The following PIK3C2G variants were observed in gnomAD, a reference collection of about 807,000 sequenced individuals.
The protein encoded by PIK3C2G is phosphatidylinositol-4-phosphate 3-kinase catalytic subunit type 2 gamma.
Under a neutral mutation model 181.1 loss-of-function variants are expected in PIK3C2G, and 168 were observed. The ratio of observed to expected loss-of-function variants is 0.93; its 90% CI spans 0.82 to 1.05. The LOEUF is 1.05. Among genes scored for constraint, PIK3C2G ranks in the 50% least tolerant of loss-of-function variants. The pLI is 0.00. For synonymous variants in PIK3C2G, 573 were observed against 592.2 expected, an observed-to-expected ratio of 0.97 and a Z score of 0.47; for missense variants, 1,869 against 1,732.8, an observed-to-expected ratio of 1.08 and a Z score of -1.40.
At chr12:18,274,245 C>T (rs1948877250) in intron 1 of PIK3C2G, among the ~76,000 whole-genome samples, 1 of 152,270 alleles carries the variant, frequency 6.6e-6, no homozygotes, top group Non-Finnish European at 1.5e-5. Flanking sequence ...GTCAGTGTGG[C>T]AATTCCTCAG....
chr12:18,254,703 C>T (rs975600038), intron 1 of PIK3C2G, among the ~76,000 whole-genome samples: 14 of 151,454 alleles, frequency 9.2e-5, no homozygotes, highest in African/African-American at 3.4e-4. Flanking sequence ...ATTAGCTGGG[C>T]ATGGTGGCAT....
At position 18,581,659 on chromosome 12, in the gene PIK3C2G, A is replaced by T. The variant is rs1239804352; in HGVS notation, c.4012-12835A>T. ...AGGAGTTTGAATCTAAACCCACTAC[A>T]TTTGAGTTGCCTATAAGGCTTCCAG... On this transcript the variant is annotated intron_variant, in intron 29 of 32. Coordinates refer to ENST00000538779, the MANE Select transcript of PIK3C2G (RefSeq NM_001288772.2). Among the ~76,000 whole-genome samples the T allele has an allele frequency of 3.9e-5, 6 of 152,320 alleles. No individual in the cohort carries two copies. The East Asian group carries it at 1.2e-3, about 29-fold the overall frequency.
At chr12:18,333,396 T>A (rs1938180295) in intron 8 of PIK3C2G, among the ~76,000 whole-genome samples, 1 of 152,148 alleles carries the variant, frequency 6.6e-6, no homozygotes, top group African/African-American at 2.4e-5. Context: ...CATCAACCCG[T>A]CATCTACATT....
intron 30 of PIK3C2G, among the ~76,000 whole-genome samples, chr12:18,603,845 C>CACT (rs1465293779): frequency 6.6e-6 from 1 of 152,132 alleles, no homozygotes; most frequent in African/African-American, 2.4e-5. Context: ...ATTACCAAAT[C>CACT]ACTACCACAA....
intron 11 of PIK3C2G, among the ~76,000 whole-genome samples, chr12:18,347,414 A>G (rs1009267380): frequency 6.6e-6 from 1 of 152,218 alleles, no homozygotes; most frequent in Admixed American, 6.5e-5. Context: ...ACAGTAATAT[A>G]GAGATAATTA....
intron 1 of PIK3C2G, among the ~76,000 whole-genome samples, chr12:18,255,159 T>C (rs555941201): frequency 6.6e-6 from 1 of 151,414 alleles, no homozygotes; most frequent in South Asian, 2.1e-4. Flanking sequence ...GAGATTGCGG[T>C]GAGCTGAGAT....
At chr12:18,255,425 C>T (rs1053910004) in intron 1 of PIK3C2G, among the ~76,000 whole-genome samples, 34 of 151,962 alleles carry the variant, frequency 2.2e-4, no homozygotes, top group African/African-American at 7.7e-4. Context: ...AAAATGCAGC[C>T]GTGTAAACAA....
In PIK3C2G at chr12:18,497,728, T is replaced by G; in HGVS notation, c.2996T>G (p.Leu999Arg). The change falls in exon 22 of 33, where the codon CTA (leucine) becomes CGA (arginine). Residue 999 changes from leucine (L) to arginine (R), a missense_variant. Physicochemically the swap from Leu to Arg is moderately radical, Grantham distance 102 (BLOSUM62 -2). Coordinates refer to ENST00000538779, the MANE Select transcript of PIK3C2G (RefSeq NM_001288772.2). ...LDMQMIIYRC[L>R]STGKDQGLVQ... ...ATGCAAATGATCATTTATAGATGTC[T>G]ATCCACAGGAAAAGACCAAGGTCAG... 1 of 1,612,308 alleles carries G rather than the reference T, an allele frequency of 6.2e-7. No individual in the cohort carries two copies. The highest frequency in any genetic ancestry group is 1.1e-5 in the South Asian group (1 of 90,930).
chr12:18,716,083 A>G, the PIK3C2G span, among the ~76,000 whole-genome samples: 5,356 of 152,142 alleles, frequency 0.035, 130 homozygotes, highest in East Asian at 0.056. Context: ...TAAGTTGGAG[A>G]AGAAACAATG....
At position 18,549,495 on chromosome 12, in the gene PIK3C2G, T is replaced by C. The variant is rs1047737759; in HGVS notation, c.3590+3063T>C. ...CAATCCTATGAGGTATTAATATCTT[T>C]ATCTACATTTTTATACTAGTGAATT... is the stretch of plus-strand genomic sequence containing the variant. On this transcript the variant is annotated intron_variant, in intron 26 of 32. Transcript: ENST00000538779. Among the ~76,000 whole-genome samples the C allele has an allele frequency of 4.6e-5, 7 of 152,052 alleles. No homozygotes were observed. The East Asian group carries it at 7.8e-4, about 17-fold the overall frequency.
At chr12:18,306,455 CAAG>C (rs1161341893) in intron 5 of PIK3C2G, among the ~76,000 whole-genome samples, 12 of 151,980 alleles carry the variant, frequency 7.9e-5, no homozygotes, top group South Asian at 6.2e-4. Flanking sequence ...ACAATAAACT[CAAG>C]AAGCACTGGT....
chr12:18,253,220 C>A (rs1361716429), intron 1 of PIK3C2G, among the ~76,000 whole-genome samples: 8 of 152,032 alleles, frequency 5.3e-5, no homozygotes, highest in Non-Finnish European at 1.0e-4. Context: ...GTTGCATCAG[C>A]TTTGTCTCCA....
intron 16 of PIK3C2G, among the ~76,000 whole-genome samples, chr12:18,417,755 A>G (rs1945261561): frequency 1.7e-5 from 2 of 117,074 alleles, no homozygotes; most frequent in Admixed American, 1.2e-4. Flanking sequence ...ATTAAAAAAA[A>G]CAAAAAAAAA....
chr12:18,599,714 C>T (rs572061762), intron 30 of PIK3C2G, among the ~76,000 whole-genome samples: 32 of 150,326 alleles, frequency 2.1e-4, no homozygotes, highest in Non-Finnish European at 4.6e-4. Context: ...AAAGAAAACA[C>T]ACCTAAAACA....
intron 18 of PIK3C2G, among the ~76,000 whole-genome samples, chr12:18,470,808 A>T (rs1938380478): frequency 6.6e-6 from 1 of 152,156 alleles, no homozygotes; most frequent in African/African-American, 2.4e-5. Flanking sequence ...GGGAGGAAAG[A>T]TGGAGATAGT....
chr12:18,591,578 A>G (rs1004168984), intron 29 of PIK3C2G, among the ~76,000 whole-genome samples: 5 of 151,900 alleles, frequency 3.3e-5, no homozygotes, highest in Non-Finnish European at 5.9e-5. Flanking sequence ...AAGTAAATAT[A>G]ATTCAGCAAA....
intron 15 of PIK3C2G, among the ~76,000 whole-genome samples, chr12:18,393,015 C>T (rs947531128): frequency 6.6e-6 from 1 of 151,988 alleles, no homozygotes; most frequent in Non-Finnish European, 1.5e-5. Context: ...ACCGTGTGTT[C>T]AACAAGTGTG....
intron 11 of PIK3C2G, among the ~76,000 whole-genome samples, chr12:18,361,153 A>G (rs981756695): frequency 2.6e-5 from 4 of 152,090 alleles, no homozygotes; most frequent in Admixed American, 2.0e-4. Context: ...CCTGTCTTCA[A>G]GTTCACTGAT....
intron 15 of PIK3C2G, among the ~76,000 whole-genome samples, chr12:18,392,064 G>T (rs1399687575): frequency 6.6e-6 from 1 of 152,110 alleles, no homozygotes; most frequent in East Asian, 1.9e-4. Flanking sequence ...GAAGCAAGCA[G>T]TGCAGCAAGG....
Sources: gnomAD v4.1 joint callset for allele counts (sites outside exome capture counted in the v4.1 genomes callset) on GRCh38, gnomAD v4.1.1 for gene constraint, MANE v1.5 for transcripts, NCBI Gene and HGNC (gene_info 2026-07-23, HGNC 2026-07-21) for gene names.